ENTHD1: variants seen among roughly 807,000 people sequenced by gnomAD.
The protein encoded by ENTHD1 is ENTH domain containing 1.
Under a neutral mutation model 39.1 loss-of-function variants are expected in ENTHD1, and 23 were observed. That is an observed-to-expected ratio of 0.59 (90% CI 0.42 to 0.83). ENTHD1 has a LOEUF of 0.83. Ranked by LOEUF, ENTHD1 falls within the 40% of genes least tolerant of loss-of-function variation. The pLI, the probability that ENTHD1 is intolerant of heterozygous loss-of-function variation, is 0.00. For synonymous variants in ENTHD1, 230 were observed against 258.2 expected, an observed-to-expected ratio of 0.89 and a Z score of 1.05; for missense variants, 624 against 705.4, an observed-to-expected ratio of 0.88 and a Z score of 1.31.
chr22:39,827,647 C>G (rs1448878811), intron 4 of ENTHD1, among the ~76,000 whole-genome samples: 1 of 151,902 alleles, frequency 6.6e-6, no homozygotes, highest in Non-Finnish European at 1.5e-5. Context: ...AAAATGAAAA[C>G]TTTTGATAAC....
chr22:39,752,098 AAG>A lies in ENTHD1; in HGVS notation c.1220-7817_1220-7816del, dbSNP rs151227153. ...ATAGAAGATAGACAGATCTCTATAGAAGAGAGAGAGAAATAGATATACTTTTT... is the reference window on the plus strand; with the variant it reads ...ATAGAAGATAGACAGATCTCTATAGAAGAGAGAGAAATAGATATACTTTTT... On this transcript the variant is annotated intron_variant, in intron 6 of 6. Coordinates refer to ENST00000325157, the MANE Select transcript of ENTHD1 (RefSeq NM_152512.4). 6.9e-3 allele frequency among the ~76,000 whole-genome samples: 1,055 copies of A among 152,108 alleles called. 4 individuals are homozygous for A. The highest frequency in any genetic ancestry group is 0.014 in the Middle Eastern group (4 of 290).
intron 6 of ENTHD1, among the ~76,000 whole-genome samples, chr22:39,754,537 T>C (rs373517573): frequency 6.6e-6 from 1 of 152,230 alleles, no homozygotes; most frequent in Non-Finnish European, 1.5e-5. Context: ...TCACAGTGTG[T>C]GGCACACAAA....
intron 2 of ENTHD1, chr22:39,875,891 G>C (rs1486273536): frequency 1.7e-5 from 27 of 1,613,980 alleles, no homozygotes; most frequent in Non-Finnish European, 1.7e-5. Context: ...CCCACAGCAT[G>C]ATCTAGATCG....
chr22:39,765,176 T>TTG (rs71326782), intron 6 of ENTHD1, 47 bp downstream of exon 6: 145,422 of 1,383,606 alleles, frequency 0.11, 1,015 homozygotes, highest in African/African-American at 0.14. Context: ...AGGTTTTTTG[T>TTG]TGTGTGTGTG....
Position 39,821,132 on chromosome 22 carries a change from A to T in ENTHD1, c.712-19T>A. The T allele has an allele frequency of 6.2e-7, 1 of 1,612,740 alleles. No individual in the cohort carries two copies. Among genetic ancestry groups the T allele is most frequent in the Non-Finnish European group, 8.5e-7 (1 of 1,179,488 alleles). On this transcript the variant is annotated intron_variant, in intron 4 of 6. Transcript: ENST00000325157. ...TCAGGTCCTGACAGAAAACACAAGA[A>T]CATGAGAATTGAAGAAAAAAATTAA...
chr22:39,752,842 G>A (rs1245658343), intron 6 of ENTHD1, among the ~76,000 whole-genome samples: 1 of 152,184 alleles, frequency 6.6e-6, no homozygotes, highest in African/African-American at 2.4e-5. Flanking sequence ...ACTCTACTCT[G>A]CACGGTGCTT....
At chr22:39,859,480 C>A (rs547922697) in intron 3 of ENTHD1, among the ~76,000 whole-genome samples, 1 of 152,218 alleles carries the variant, frequency 6.6e-6, no homozygotes, top group East Asian at 1.9e-4. Context: ...GAGAAACCTG[C>A]GACTCTTCCT....
intron 5 of ENTHD1, among the ~76,000 whole-genome samples, chr22:39,774,387 C>G (rs1601585479): frequency 6.6e-6 from 1 of 152,270 alleles, no homozygotes; most frequent in South Asian, 2.1e-4. Context: ...TGAACCCTGA[C>G]CTCTGCTGAT....
chr22:39,839,030 G>T (rs889620421), intron 3 of ENTHD1, among the ~76,000 whole-genome samples: 4 of 151,880 alleles, frequency 2.6e-5, no homozygotes, highest in African/African-American at 9.7e-5. Context: ...TTAACAGTTT[G>T]CTTGTTTTTT....
intron 5 of ENTHD1, among the ~76,000 whole-genome samples, chr22:39,795,426 T>G (rs2065540347): frequency 6.6e-6 from 1 of 151,720 alleles, no homozygotes; most frequent in Non-Finnish European, 1.5e-5. Flanking sequence ...TTTTCTTTTT[T>G]CTTTTTTTGT....
chr22:39,872,004 A>G (rs954911847), intron 2 of ENTHD1, among the ~76,000 whole-genome samples: 1 of 152,238 alleles, frequency 6.6e-6, no homozygotes, highest in Non-Finnish European at 1.5e-5. Context: ...CCATGAGTGC[A>G]TTGAAATTGC....
chr22:39,793,064 T>C (rs1479040208), intron 5 of ENTHD1, among the ~76,000 whole-genome samples: 1 of 152,218 alleles, frequency 6.6e-6, no homozygotes, highest in Non-Finnish European at 1.5e-5. Context: ...TATATGAGGA[T>C]TCCCCTTTCT....
At chr22:39,766,515 C>T (rs964586477) in intron 5 of ENTHD1, among the ~76,000 whole-genome samples, 4 of 152,032 alleles carry the variant, frequency 2.6e-5, no homozygotes, top group African/African-American at 7.2e-5. Flanking sequence ...AAAGAAAGAC[C>T]GTTATTTTTA....
intron 2 of ENTHD1, among the ~76,000 whole-genome samples, chr22:39,868,481 T>G (rs1165313173): frequency 6.6e-6 from 1 of 151,746 alleles, no homozygotes; most frequent in Non-Finnish European, 1.5e-5. Context: ...AGTCAGCCAA[T>G]GAAATCAGCA....
At chr22:39,748,249 C>CAA (rs60946846) in intron 6 of ENTHD1, among the ~76,000 whole-genome samples, 18 of 60,168 alleles carry the variant, frequency 3.0e-4, no homozygotes, top group African/African-American at 6.5e-4. Context: ...ACCCTGTCTC[C>CAA]AAAAAAAAAA....
At chr22:39,767,869 A>C (rs979343158) in intron 5 of ENTHD1, among the ~76,000 whole-genome samples, 2 of 152,222 alleles carry the variant, frequency 1.3e-5, no homozygotes, top group Non-Finnish European at 2.9e-5. Context: ...AAATTCAATG[A>C]AGCAAACCAG....
At chr22:39,801,771 A>G (rs553743420) in intron 5 of ENTHD1, among the ~76,000 whole-genome samples, 154 of 152,276 alleles carry the variant, frequency 1.0e-3, no homozygotes, top group Admixed American at 2.7e-3. Context: ...GGGACTGGGC[A>G]TGTTTGTTAA....
chr22:39,795,337 G>A (rs775873522), intron 5 of ENTHD1, among the ~76,000 whole-genome samples: 8 of 152,016 alleles, frequency 5.3e-5, no homozygotes, highest in East Asian at 1.9e-4. Flanking sequence ...GAGAACTGGC[G>A]TTAGTTCTTC....
At chr22:39,784,710 T>C (rs1269386308) in intron 5 of ENTHD1, among the ~76,000 whole-genome samples, 3 of 152,040 alleles carry the variant, frequency 2.0e-5, no homozygotes, top group Non-Finnish European at 4.4e-5. Flanking sequence ...TTCTCACTCA[T>C]ATGTGGGAAC....
Sources: allele counts gnomAD v4.1 joint callset (sites outside exome capture counted in the v4.1 genomes callset), GRCh38; gene constraint gnomAD v4.1.1; transcripts MANE v1.5; gene names NCBI Gene and HGNC (gene_info 2026-07-23, HGNC 2026-07-21).